Variants in ADAMTSL1 observed in about 807,000 individuals in gnomAD.
ADAMTSL1 encodes ADAMTS-like protein 1.
ADAMTSL1 carries 126 observed loss-of-function variants against 201.8 expected under a neutral mutation model. The observed-to-expected ratio is 0.62, with a 90% CI of 0.54 to 0.72. The LOEUF (loss-of-function observed/expected upper bound fraction) is 0.72, where lower values mean the gene tolerates loss of function less well. Among genes scored for constraint, ADAMTSL1 ranks in the 30% least tolerant of loss-of-function variants. ADAMTSL1 has a pLI of 0.00. For missense variants in ADAMTSL1, 2,679 were observed against 2,277.8 expected (o/e 1.18, Z -3.59); for synonymous variants, 1,121 against 903.4 (o/e 1.24, Z -4.32).
chr9:18,656,227 C>A (rs1564123982), intron 7 of ADAMTSL1, among the ~76,000 whole-genome samples: 1 of 151,658 alleles, frequency 6.6e-6, no homozygotes, highest in Non-Finnish European at 1.5e-5. Context: ...CCCCTGCATC[C>A]GAGATGTTTA....
intron 23 of ADAMTSL1, among the ~76,000 whole-genome samples, chr9:18,835,866 A>G (rs1031488639): frequency 1.3e-5 from 2 of 152,134 alleles, no homozygotes; most frequent in East Asian, 1.9e-4. Context: ...ATAGTATCCT[A>G]TGGTATATAT....
intron 2 of ADAMTSL1, among the ~76,000 whole-genome samples, chr9:18,255,271 T>A (rs139419192): frequency 6.6e-6 from 1 of 152,298 alleles, no homozygotes; most frequent in African/African-American, 2.4e-5. Context: ...GCTGCCGCAT[T>A]CTTTACCTTG....
intron 2 of ADAMTSL1, among the ~76,000 whole-genome samples, chr9:18,371,140 A>G (rs1837026134): frequency 6.6e-6 from 1 of 152,230 alleles, no homozygotes; most frequent in Middle Eastern, 3.4e-3. Flanking sequence ...ATAAGTCCTT[A>G]GTTTTTGTAA....
At chr9:18,068,626 G>A (rs986195872) in intron 1 of ADAMTSL1, among the ~76,000 whole-genome samples, 2 of 152,118 alleles carry the variant, frequency 1.3e-5, no homozygotes, top group African/African-American at 2.4e-5. Context: ...ACCAAGCAGA[G>A]GTTCTCAGCT....
chr9:18,321,596 A>G (rs890398153), intron 2 of ADAMTSL1, among the ~76,000 whole-genome samples: 13 of 152,138 alleles, frequency 8.5e-5, no homozygotes, highest in African/African-American at 3.1e-4. Flanking sequence ...GATCGAGACC[A>G]TCCTGGCTAA....
chr9:17,936,390 A>C (rs1266619701), intron 1 of ADAMTSL1, among the ~76,000 whole-genome samples: 2 of 152,172 alleles, frequency 1.3e-5, no homozygotes, highest in African/African-American at 4.8e-5. Flanking sequence ...GTGAAAGATT[A>C]CTGGTGACAG....
intron 23 of ADAMTSL1, among the ~76,000 whole-genome samples, chr9:18,872,878 A>ATTTTCAGTTCTTT (rs1401680496): frequency 6.6e-6 from 1 of 152,180 alleles, no homozygotes; most frequent in East Asian, 1.9e-4. Context: ...TGCTGGATCA[A>ATTTTCAGTTCTTT]ATGGTAGATC....
At chr9:18,314,679 A>G (rs1259283265) in intron 2 of ADAMTSL1, among the ~76,000 whole-genome samples, 1 of 151,386 alleles carries the variant, frequency 6.6e-6, no homozygotes, top group African/African-American at 2.4e-5. Context: ...GCGGACCGAA[A>G]GAGTGAGCAG....
chr9:18,227,367 A>G (rs753090882), intron 2 of ADAMTSL1, among the ~76,000 whole-genome samples: 2 of 152,180 alleles, frequency 1.3e-5, no homozygotes, highest in African/African-American at 2.4e-5. Flanking sequence ...GAAGATAGGA[A>G]AACAAATAAT....
intron 16 of ADAMTSL1, 119 bp from the exon 17 acceptor site, chr9:18,770,480 TTTC>T (rs1187571966): frequency 1.1e-5 from 12 of 1,069,394 alleles, no homozygotes; most frequent in Middle Eastern, 3.1e-4. Context: ...ATTCCTGGTT[TTTC>T]TTCTTCTTCT....
intron 4 of ADAMTSL1, among the ~76,000 whole-genome samples, chr9:18,604,773 C>T (rs551600301): frequency 2.6e-4 from 39 of 152,092 alleles, no homozygotes; most frequent in Non-Finnish European, 4.4e-4. Context: ...GGTAGATAGG[C>T]GCAAAAGTAG....
At chr9:18,012,546 C>G (rs932448733) in intron 1 of ADAMTSL1, among the ~76,000 whole-genome samples, 1 of 152,050 alleles carries the variant, frequency 6.6e-6, no homozygotes, top group Admixed American at 6.5e-5. Flanking sequence ...CGTACGTGAA[C>G]ATTGCTTTCC....
intron 26 of ADAMTSL1, among the ~76,000 whole-genome samples, chr9:18,897,813 A>ACACTT (rs777406997): frequency 2.6e-5 from 4 of 152,252 alleles, no homozygotes; most frequent in Admixed American, 1.3e-4. Context: ...AATGAATCCA[A>ACACTT]CACTTCTCCT....
chr9:18,861,083 C>T (rs948394806), intron 23 of ADAMTSL1, among the ~76,000 whole-genome samples: 3 of 152,110 alleles, frequency 2.0e-5, no homozygotes, highest in African/African-American at 7.2e-5. Flanking sequence ...CCTCGTTATA[C>T]AGAGATCATA....
At chr9:18,055,722 C>T (rs1431849388) in intron 1 of ADAMTSL1, among the ~76,000 whole-genome samples, 1 of 152,170 alleles carries the variant, frequency 6.6e-6, no homozygotes, top group African/African-American at 2.4e-5. Context: ...CTGCACATGC[C>T]TCCAGCAGTT....
chr9:18,652,169 C>G (rs1402425818), intron 7 of ADAMTSL1, among the ~76,000 whole-genome samples: 1 of 151,700 alleles, frequency 6.6e-6, no homozygotes, highest in African/African-American at 2.4e-5. Flanking sequence ...GTCAGGAGTT[C>G]AAGACCAGCC....
At chr9:18,854,589 TGAATA>T (rs1826724996) in intron 23 of ADAMTSL1, among the ~76,000 whole-genome samples, 1 of 152,122 alleles carries the variant, frequency 6.6e-6, no homozygotes, top group African/African-American at 2.4e-5. Context: ...CAAGAATAGA[TGAATA>T]GAATGGATGC....
At chr9:18,568,299 G>C (rs1450482852) in intron 3 of ADAMTSL1, among the ~76,000 whole-genome samples, 1 of 152,052 alleles carries the variant, frequency 6.6e-6, no homozygotes, top group Non-Finnish European at 1.5e-5. Flanking sequence ...GATACAGAAA[G>C]CCAAGTAACA....
chr9:18,692,324 A>C (rs972250035), intron 13 of ADAMTSL1, among the ~76,000 whole-genome samples: 1 of 152,216 alleles, frequency 6.6e-6, no homozygotes, highest in Non-Finnish European at 1.5e-5. Context: ...AAACAGCAGA[A>C]TCAATAATAA....
Sources: allele counts gnomAD v4.1 joint callset (sites outside exome capture counted in the v4.1 genomes callset), GRCh38; gene constraint gnomAD v4.1.1; transcripts MANE v1.5; gene names NCBI Gene and HGNC (gene_info 2026-07-23, HGNC 2026-07-21).